THSD7B: variants seen among roughly 807,000 people sequenced by gnomAD.
THSD7B encodes thrombospondin type 1 domain containing 7B.
A neutral mutation model predicts 213.6 loss-of-function variants in THSD7B; 138 were observed. The ratio of observed to expected loss-of-function variants is 0.65; its 90% confidence interval spans 0.56 to 0.74. THSD7B has a LOEUF of 0.74. Ranked by LOEUF, THSD7B falls within the 30% of genes least tolerant of loss-of-function variation. The pLI is 0.00. For synonymous variants in THSD7B, 742 were observed against 687.0 expected (o/e 1.08, Z -1.25); for missense variants, 1,931 against 1,991.5 (o/e 0.97, Z 0.58).
intron 2 of THSD7B, among the ~76,000 whole-genome samples, chr2:137,040,514 C>T (rs1029056460): frequency 2.0e-5 from 3 of 151,968 alleles, no homozygotes; most frequent in Non-Finnish European, 4.4e-5. Context: ...CTGCCTCAGC[C>T]TCCCGAGTAG....
At position 137,272,764 on chromosome 2, in the gene THSD7B, G is replaced by A. The variant is rs140497432; in HGVS notation, c.2396+102G>A. On this transcript the variant is annotated intron_variant, in intron 11 of 27. Coordinates refer to ENST00000409968, the MANE Select transcript of THSD7B (RefSeq NM_001316349.2). ...CGTTTGGTGAAAAATAAGTAAGAGG[G>A]GATCTGACATTTACATATCTTCAAA... is the stretch of plus-strand genomic sequence containing the variant. 19 of 1,238,956 alleles carry A rather than the reference G, an allele frequency of 1.5e-5. No individual in the cohort carries two copies. In the African/African-American group the frequency reaches 2.3e-4, roughly 15 times the overall value. 76.7% of individuals were successfully genotyped at this position (1,238,956 alleles called of 1,614,324 possible).
At chr2:137,166,311 A>G (rs71419522) in intron 6 of THSD7B, among the ~76,000 whole-genome samples, 7,022 of 152,302 alleles carry the variant, frequency 0.046, 200 homozygotes, top group Admixed American at 0.069. Flanking sequence ...AATTAGAGAT[A>G]TATAAGAGAA....
chr2:137,348,350 T>C (rs1684924870), intron 12 of THSD7B, among the ~76,000 whole-genome samples: 1 of 151,772 alleles, frequency 6.6e-6, no homozygotes, highest in Admixed American at 6.6e-5. Flanking sequence ...GATGTTCATA[T>C]TCATGCTTTT....
chr2:137,137,242 A>T (rs1371129006), intron 5 of THSD7B, among the ~76,000 whole-genome samples: 1 of 152,114 alleles, frequency 6.6e-6, no homozygotes, highest in Non-Finnish European at 1.5e-5. Context: ...TATCACCCCC[A>T]GAAGGTTTCC....
intron 5 of THSD7B, among the ~76,000 whole-genome samples, chr2:137,153,573 TCTATTTA>T (rs1231281257): frequency 5.3e-5 from 8 of 152,204 alleles, no homozygotes; most frequent in African/African-American, 1.9e-4. Context: ...CAGATTTTAT[TCTATTTA>T]CTAAGTTAAA....
Position 137,193,307 on chromosome 2 carries a change from A to G in THSD7B, c.1723+22369A>G, listed in dbSNP as rs1370532567. ...GTTTGTTCATTTTTATGATAAATTG[A>G]TAATTTATAATTGCGTAAATTTATG... On this transcript the variant is annotated intron_variant, in intron 7 of 27. Coordinates refer to ENST00000409968, the MANE Select transcript of THSD7B (RefSeq NM_001316349.2). Among the ~76,000 whole-genome samples the G allele has an allele frequency of 3.3e-5, 5 of 152,316 alleles. No individual in the cohort carries two copies. The East Asian group carries it at 7.7e-4, about 24-fold the overall frequency.
At chr2:136,988,415 A>G (rs1265609104) in intron 2 of THSD7B, among the ~76,000 whole-genome samples, 1 of 152,222 alleles carries the variant, frequency 6.6e-6, no homozygotes, top group Non-Finnish European at 1.5e-5. Flanking sequence ...TTCCTTCCAA[A>G]TCTGCCAGAG....
At chr2:137,585,343 G>C (rs60070124) in intron 17 of THSD7B, among the ~76,000 whole-genome samples, 2 of 151,898 alleles carry the variant, frequency 1.3e-5, no homozygotes, top group Admixed American at 6.5e-5. Flanking sequence ...ATCTCCTTCA[G>C]TTCTGCTCTG....
chr2:136,922,464 A>C (rs1684451887), intron 2 of THSD7B, among the ~76,000 whole-genome samples: 1 of 152,166 alleles, frequency 6.6e-6, no homozygotes, highest in Non-Finnish European at 1.5e-5. Context: ...GTAGCATGTA[A>C]TTAACTAACC....
At chr2:137,652,160 T>A (rs1481326635) in intron 21 of THSD7B, among the ~76,000 whole-genome samples, 2 of 152,066 alleles carry the variant, frequency 1.3e-5, no homozygotes, top group East Asian at 1.9e-4. Context: ...AATGTTCTAC[T>A]ATTATTGTAT....
At chr2:137,229,564 C>T (rs1244431218) in intron 7 of THSD7B, among the ~76,000 whole-genome samples, 1 of 152,184 alleles carries the variant, frequency 6.6e-6, no homozygotes, top group African/African-American at 2.4e-5. Flanking sequence ...TAGCTGTGCA[C>T]TATCTTCTCC....
At chr2:137,224,323 G>A (rs1274213814) in intron 7 of THSD7B, among the ~76,000 whole-genome samples, 1 of 152,124 alleles carries the variant, frequency 6.6e-6, no homozygotes, top group Non-Finnish European at 1.5e-5. Context: ...AGAATAGAAC[G>A]CTTGAGTATC....
chr2:137,273,165 A>C (rs151032902), intron 11 of THSD7B, among the ~76,000 whole-genome samples: 126 of 151,980 alleles, frequency 8.3e-4, no homozygotes, highest in African/African-American at 2.9e-3. Flanking sequence ...TTTAATTAAA[A>C]ATTTTTTGGT....
At chr2:136,953,787 T>C (rs1159228390) in intron 2 of THSD7B, among the ~76,000 whole-genome samples, 3 of 152,212 alleles carry the variant, frequency 2.0e-5, no homozygotes, top group African/African-American at 4.8e-5. Context: ...TAAATAGCTT[T>C]TCAGTTCTCC....
At chr2:137,115,606 T>C (rs575038085) in intron 5 of THSD7B, among the ~76,000 whole-genome samples, 1 of 152,322 alleles carries the variant, frequency 6.6e-6, no homozygotes, top group South Asian at 2.1e-4. Context: ...CAGTAATGAA[T>C]GAATGGCATT....
At chr2:137,645,706 A>G (rs1232369424) in intron 21 of THSD7B, among the ~76,000 whole-genome samples, 1 of 151,774 alleles carries the variant, frequency 6.6e-6, no homozygotes, top group African/African-American at 2.4e-5. Context: ...TAAACTGCAT[A>G]TTTTACCTAA....
chr2:137,610,180 C>T (rs867293871), intron 17 of THSD7B, among the ~76,000 whole-genome samples: 1 of 151,992 alleles, frequency 6.6e-6, no homozygotes, highest in African/African-American at 2.4e-5. Context: ...AACAAGATTG[C>T]CGAATCCAAA....
chr2:137,488,879 G>C (rs1688536101), intron 15 of THSD7B, among the ~76,000 whole-genome samples: 1 of 152,140 alleles, frequency 6.6e-6, no homozygotes, highest in African/African-American at 2.4e-5. Flanking sequence ...TTCCCAGCTT[G>C]ATGGGGGACA....
chr2:137,318,916 T>C (rs527729514), intron 12 of THSD7B, among the ~76,000 whole-genome samples: 1 of 144,216 alleles, frequency 6.9e-6, no homozygotes, highest in Non-Finnish European at 1.5e-5. Context: ...TGCCTCAGCC[T>C]CCCAAGTAGC....
Sources: allele counts gnomAD v4.1 joint callset (sites outside exome capture counted in the v4.1 genomes callset), GRCh38; gene constraint gnomAD v4.1.1; transcripts MANE v1.5; gene names NCBI Gene and HGNC (gene_info 2026-07-23, HGNC 2026-07-21).